Variants in FOXP2 observed in about 807,000 individuals in gnomAD.
The protein encoded by FOXP2 is forkhead box protein P2.
In FOXP2, 12 loss-of-function variants were observed where a neutral mutation model predicts 115.8. That is an observed-to-expected ratio of 0.10 (90% CI 0.07 to 0.17). The LOEUF (loss-of-function observed/expected upper bound fraction) is 0.17, where lower values mean the gene tolerates loss of function less well. Ranked by LOEUF, FOXP2 falls within the 10% of genes least tolerant of loss-of-function variation. The pLI is 1.00. For missense variants in FOXP2, 629 were observed against 843.5 expected (o/e 0.75, Z 3.15); for synonymous variants, 328 against 297.7 (o/e 1.10, Z -1.05).
chr7:114,171,493 A>G (rs1014451880), intron 1 of FOXP2, among the ~76,000 whole-genome samples: 3 of 152,124 alleles, frequency 2.0e-5, no homozygotes, highest in Non-Finnish European at 4.4e-5. Flanking sequence ...GGATCACTTG[A>G]GCCTGGGAGG....
rs529152836 is a variant in FOXP2 at position 114,617,557 on chromosome 7, G to T, written c.259-10983G>T. On this transcript the variant is annotated intron_variant, in intron 3 of 16. Transcript: ENST00000350908. Reference sequence around the variant, plus strand: ...GCGTGTAATCCCAACACTTTGGGAGGCGGAGGCGGGTGGATCACCTGAGGT... The same window carrying T: ...GCGTGTAATCCCAACACTTTGGGAGTCGGAGGCGGGTGGATCACCTGAGGT... 2.6e-5 allele frequency among the ~76,000 whole-genome samples: 4 copies of T among 152,346 alleles called. No homozygotes were observed. In the South Asian group the frequency reaches 6.2e-4, roughly 24 times the overall value.
At chr7:114,197,271 G>A (rs999169506) in intron 1 of FOXP2, among the ~76,000 whole-genome samples, 1 of 152,202 alleles carries the variant, frequency 6.6e-6, no homozygotes, top group African/African-American at 2.4e-5. Context: ...AGCCTAGGCT[G>A]CTATAACAAA....
chr7:114,644,639 TTA>T (rs922328947), intron 7 of FOXP2, 44 bp from the exon 8 acceptor site: 2 of 1,522,646 alleles, frequency 1.3e-6, no homozygotes, highest in Non-Finnish European at 1.8e-6. Flanking sequence ...CCTGCAACGA[TTA>T]TAGCTTTTTG....
chr7:114,282,784 C>T (rs1247315338), intron 1 of FOXP2, among the ~76,000 whole-genome samples: 2 of 152,072 alleles, frequency 1.3e-5, no homozygotes, highest in Admixed American at 6.6e-5. Flanking sequence ...AGCATTTAGC[C>T]TTTGCAGAAG....
intron 2 of FOXP2, among the ~76,000 whole-genome samples, chr7:114,303,257 T>C (rs1176170936): frequency 1.3e-5 from 2 of 152,208 alleles, no homozygotes; most frequent in Non-Finnish European, 2.9e-5. Context: ...TTGAGCTGTT[T>C]GGAATTTTGA....
At chr7:114,432,920 C>T (rs1456084756) in intron 2 of FOXP2, among the ~76,000 whole-genome samples, 1 of 151,902 alleles carries the variant, frequency 6.6e-6, no homozygotes, top group Non-Finnish European at 1.5e-5. Context: ...GTACTGTGTC[C>T]ATCTGTGTTA....
chr7:114,493,238 C>CT (rs912635079), intron 2 of FOXP2, among the ~76,000 whole-genome samples: 4 of 151,994 alleles, frequency 2.6e-5, no homozygotes, highest in Non-Finnish European at 4.4e-5. Context: ...CAACCGCTGT[C>CT]TTTTTTTGTT....
At chr7:114,247,288 A>T (rs1162137906) in intron 1 of FOXP2, among the ~76,000 whole-genome samples, 1 of 152,216 alleles carries the variant, frequency 6.6e-6, no homozygotes, top group Non-Finnish European at 1.5e-5. Context: ...AAAGCTCTTT[A>T]CCTGAGTATC....
Position 114,689,737 on chromosome 7 carries a change from T to C in FOXP2, c.2004-45T>C, listed in dbSNP as rs184419146. The C allele has an allele frequency of 1.4e-4, 224 of 1,610,310 alleles. 1 individual carries two copies. Among genetic ancestry groups the C allele is most frequent in the Admixed American group, 1.4e-3 (83 of 59,798 alleles). Reference sequence around the variant, plus strand: ...ACTGCAAAGTTGGCCAAACTCTGTTTGTTGCTTACTTAGTAAAATTTTGGT... The same window carrying C: ...ACTGCAAAGTTGGCCAAACTCTGTTCGTTGCTTACTTAGTAAAATTTTGGT... On this transcript the variant is annotated intron_variant, in intron 16 of 16. Coordinates refer to ENST00000350908, the MANE Select transcript of FOXP2 (RefSeq NM_014491.4).
At chr7:114,472,007 C>T (rs1796070523) in intron 2 of FOXP2, among the ~76,000 whole-genome samples, 1 of 151,182 alleles carries the variant, frequency 6.6e-6, no homozygotes, top group African/African-American at 2.4e-5. Context: ...CAACTTGTAG[C>T]CTAGGTTGTT....
chr7:114,573,695 TGG>T (rs992430249), intron 3 of FOXP2, among the ~76,000 whole-genome samples: 5 of 151,688 alleles, frequency 3.3e-5, no homozygotes, highest in African/African-American at 1.2e-4. Context: ...TGTTCCAAAT[TGG>T]TGGATTAAAT....
At chr7:114,369,308 A>T (rs1490888769) in intron 2 of FOXP2, among the ~76,000 whole-genome samples, 2 of 152,210 alleles carry the variant, frequency 1.3e-5, no homozygotes, top group Non-Finnish European at 2.9e-5. Flanking sequence ...TTACAACAGG[A>T]CAAGTAGTCA....
intron 1 of FOXP2, among the ~76,000 whole-genome samples, chr7:114,284,731 T>G (rs1796424310): frequency 1.3e-5 from 2 of 152,154 alleles, no homozygotes; most frequent in South Asian, 4.1e-4. Flanking sequence ...GAATATAAAT[T>G]GTTCTGTCGT....
intron 2 of FOXP2, among the ~76,000 whole-genome samples, chr7:114,494,099 T>TA (rs991595288): frequency 3.3e-5 from 5 of 152,028 alleles, no homozygotes; most frequent in Non-Finnish European, 7.4e-5. Context: ...TACTTTTTTT[T>TA]AAATGTCAAG....
At position 114,524,255 on chromosome 7, in the gene FOXP2, G is replaced by A. The variant is rs1245457835; in HGVS notation, c.169-10362G>A. Among the ~76,000 whole-genome samples the A allele has an allele frequency of 5.9e-5, 9 of 151,962 alleles. 1 individual carries two copies. The South Asian group carries it at 1.5e-3, about 25-fold the overall frequency. On this transcript the variant is annotated intron_variant, in intron 2 of 16. Transcript: ENST00000350908. Reference sequence around the variant, plus strand: ...TTTCAGAGACACTTTTTTAAGGGGAGTAAAATTCCTTTACAATATAAGCTT... The same window carrying A: ...TTTCAGAGACACTTTTTTAAGGGGAATAAAATTCCTTTACAATATAAGCTT...
At chr7:114,615,029 G>C (rs1006809014) in intron 3 of FOXP2, among the ~76,000 whole-genome samples, 23 of 152,032 alleles carry the variant, frequency 1.5e-4, no homozygotes, top group Non-Finnish European at 2.4e-4. Context: ...GACCATCCTG[G>C]CCAACATGGT....
At chr7:114,585,334 CA>C (rs1270060900) in intron 3 of FOXP2, among the ~76,000 whole-genome samples, 19 of 152,002 alleles carry the variant, frequency 1.2e-4, no homozygotes, top group African/African-American at 4.4e-4. Flanking sequence ...GTATTTCTAC[CA>C]AGAGCTCCTG....
chr7:114,393,610 A>G (rs1281391342), intron 2 of FOXP2, among the ~76,000 whole-genome samples: 2 of 152,086 alleles, frequency 1.3e-5, no homozygotes, highest in Non-Finnish European at 2.9e-5. Context: ...AGGTAAGGAC[A>G]TATCTCCAGA....
At chr7:114,241,765 G>C (rs989274066) in intron 1 of FOXP2, among the ~76,000 whole-genome samples, 2 of 150,646 alleles carry the variant, frequency 1.3e-5, no homozygotes, top group Non-Finnish European at 3.0e-5. Flanking sequence ...TTATTCTATC[G>C]GTAATGGAAA....
Sources: gnomAD v4.1 joint callset for allele counts (sites outside exome capture counted in the v4.1 genomes callset) on GRCh38, gnomAD v4.1.1 for gene constraint, MANE v1.5 for transcripts, NCBI Gene and HGNC (gene_info 2026-07-23, HGNC 2026-07-21) for gene names.